The following ABTB2 variants were observed in gnomAD, a reference collection of about 807,000 sequenced individuals.
ABTB2 encodes the protein ankyrin repeat and BTB/POZ domain-containing protein 2.
Under a neutral mutation model 104.1 loss-of-function variants are expected in ABTB2, and 56 were observed. The observed-to-expected ratio is 0.54, with a 90% CI of 0.43 to 0.67. The LOEUF is 0.67. Ranked by LOEUF, ABTB2 falls within the 30% of genes least tolerant of loss-of-function variation. ABTB2 has a pLI of 0.00. For missense variants in ABTB2, 1,279 were observed against 1,407.7 expected (o/e 0.91, Z 1.46); for synonymous variants, 606 against 608.2 (o/e 1.00, Z 0.05).
chr11:34,282,606 A>C (rs900095297), intron 1 of ABTB2, among the ~76,000 whole-genome samples: 2 of 150,872 alleles, frequency 1.3e-5, no homozygotes, highest in East Asian at 3.9e-4. Flanking sequence ...GGCTCACTGC[A>C]CCCTCCACCT....
chr11:34,299,538 T>C (rs898493122), intron 1 of ABTB2, among the ~76,000 whole-genome samples: 2 of 152,104 alleles, frequency 1.3e-5, no homozygotes, highest in African/African-American at 2.4e-5. Flanking sequence ...CTGCTGGAGG[T>C]GGCAGCTCGG....
chr11:34,314,350 G>T (rs536584619), intron 1 of ABTB2, among the ~76,000 whole-genome samples: 1 of 152,212 alleles, frequency 6.6e-6, no homozygotes, highest in Non-Finnish European at 1.5e-5. Context: ...CTCTAACCTC[G>T]ATGAGGGCGG....
At chr11:34,268,642 T>C (rs949549754) in intron 1 of ABTB2, among the ~76,000 whole-genome samples, 2 of 152,210 alleles carry the variant, frequency 1.3e-5, no homozygotes, top group Non-Finnish European at 2.9e-5. Context: ...TGTAACAAAG[T>C]ACCATGAACT....
In ABTB2 at chr11:34,197,348, C is replaced by T. The variant is rs373418174; in HGVS notation, c.1221G>A (p.Pro407=). 21 of 1,614,044 alleles carry T rather than the reference C, an allele frequency of 1.3e-5. No homozygotes were observed. The highest frequency in any genetic ancestry group is 4.5e-5 in the East Asian group (2 of 44,882). The change falls in exon 3 of 17, where the codon CCG becomes CCA. Residue 407 remains proline (P), a synonymous_variant. Transcript: ENST00000435224. ...ESMENPNLDP[P]RMTLNNERPF... is the part of the protein sequence containing the mutation. ...ACCGTTCATTGTTCAAGGTCATTCT[C>T]GGGGGGTCCAGGTTGGGGTTCTCCA...
chr11:34,159,915 G>C lies in ABTB2; in HGVS notation c.2597C>G (p.Ala866Gly), dbSNP rs1852685131. The change falls in exon 13 of 17, where the codon GCT becomes GGT. Residue 866 changes from alanine (A) to glycine (G), a missense_variant. Physicochemically the swap from Ala to Gly is moderately conservative, Grantham distance 60. Transcript: ENST00000435224. ...FYAHKVLLVT[A>G]SNRFKTLMTN... The stretch of plus-strand genomic sequence containing the variant: ...ATCTGAGGCTGCCTACCTGTTAGAA[G>C]CTGTCACCAGCAGGACTTTATGTGC... 6.2e-7 allele frequency: 1 copy of C among 1,613,138 alleles called. No individual in the cohort carries two copies. Among genetic ancestry groups the C allele is most frequent in the African/African-American group, 1.3e-5 (1 of 74,936 alleles).
chr11:34,257,224 G>GA (rs1181441152), intron 1 of ABTB2, among the ~76,000 whole-genome samples: 1 of 150,832 alleles, frequency 6.6e-6, no homozygotes, highest in Non-Finnish European at 1.5e-5. Context: ...CACCATGGTG[G>GA]AAAAAATGAA....
At chr11:34,279,678 A>G (rs1466874541) in intron 1 of ABTB2, among the ~76,000 whole-genome samples, 1 of 152,234 alleles carries the variant, frequency 6.6e-6, no homozygotes, top group Non-Finnish European at 1.5e-5. Context: ...ATGTTAAGAC[A>G]AAAGGCCCGA....
At chr11:34,212,735 G>A (rs1452224957) in intron 1 of ABTB2, among the ~76,000 whole-genome samples, 2 of 152,168 alleles carry the variant, frequency 1.3e-5, no homozygotes, top group Non-Finnish European at 2.9e-5. Context: ...CTAAGGTCAG[G>A]AAATTAAAAG....
At chr11:34,291,895 C>T (rs2133093271) in intron 1 of ABTB2, among the ~76,000 whole-genome samples, 1 of 151,868 alleles carries the variant, frequency 6.6e-6, no homozygotes, top group East Asian at 1.9e-4. Context: ...TTGCTTGTAG[C>T]TAATAAGAGG....
intron 1 of ABTB2, among the ~76,000 whole-genome samples, chr11:34,244,591 G>C (rs1853961599): frequency 1.3e-5 from 2 of 152,144 alleles, no homozygotes; most frequent in Admixed American, 1.3e-4. Context: ...TGGTGAATAA[G>C]AGCTGGGCTT....
chr11:34,236,760 A>G (rs971470076), intron 1 of ABTB2, among the ~76,000 whole-genome samples: 4 of 152,170 alleles, frequency 2.6e-5, no homozygotes, highest in Non-Finnish European at 5.9e-5. Context: ...AGATAAACGA[A>G]ATCGCATCAG....
intron 14 of ABTB2, among the ~76,000 whole-genome samples, chr11:34,155,342 G>A (rs989893008): frequency 2.6e-5 from 4 of 152,196 alleles, no homozygotes; most frequent in Non-Finnish European, 4.4e-5. Context: ...AAAAGAAAGC[G>A]CAGAGCCCAG....
intron 1 of ABTB2, among the ~76,000 whole-genome samples, chr11:34,299,029 T>C (rs1275741290): frequency 6.6e-6 from 1 of 152,248 alleles, no homozygotes; most frequent in Non-Finnish European, 1.5e-5. Flanking sequence ...ATTAATCCTC[T>C]GCTCCATGCA....
At chr11:34,281,180 C>T (rs181993030) in intron 1 of ABTB2, among the ~76,000 whole-genome samples, 91 of 152,298 alleles carry the variant, frequency 6.0e-4, no homozygotes, top group African/African-American at 2.1e-3. Flanking sequence ...GCACCCCCAT[C>T]CAGTGTACAG....
intron 3 of ABTB2, among the ~76,000 whole-genome samples, chr11:34,182,110 G>A (rs1242923216): frequency 6.6e-6 from 1 of 152,236 alleles, no homozygotes; most frequent in Non-Finnish European, 1.5e-5. Context: ...TCTTTGGGAA[G>A]GTCAGGGCTG....
intron 1 of ABTB2, chr11:34,335,584 AG>A: frequency 1.3e-6 from 2 of 1,500,048 alleles, no homozygotes; most frequent in Non-Finnish European, 1.9e-6. Context: ...GCACTTTCAA[AG>A]TTAAGTTTCT....
chr11:34,159,644 C>T (rs1434430341), intron 13 of ABTB2, among the ~76,000 whole-genome samples: 1 of 152,202 alleles, frequency 6.6e-6, no homozygotes, highest in Non-Finnish European at 1.5e-5. Context: ...CTCTTCATTC[C>T]AGGATATTTA....
At chr11:34,166,877 C>T (rs2133011402) in intron 7 of ABTB2, among the ~76,000 whole-genome samples, 1 of 152,286 alleles carries the variant, frequency 6.6e-6, no homozygotes, top group South Asian at 2.1e-4. Context: ...ATAGAGTTGG[C>T]CCTGTAGTAG....
intron 1 of ABTB2, among the ~76,000 whole-genome samples, chr11:34,293,265 C>CTGCA (rs147799605): frequency 0.032 from 4,897 of 152,184 alleles, 257 homozygotes; most frequent in African/African-American, 0.11. Context: ...GAGACTAGGA[C>CTGCA]TGCAGTTCTG....
Sources: allele counts gnomAD v4.1 joint callset (sites outside exome capture counted in the v4.1 genomes callset), GRCh38; gene constraint gnomAD v4.1.1; transcripts MANE v1.5; gene names NCBI Gene and HGNC (gene_info 2026-07-23, HGNC 2026-07-21).